TENM3: variants seen among roughly 807,000 people sequenced by gnomAD.
TENM3 encodes the protein teneurin-3.
TENM3 carries 63 observed loss-of-function variants against 255.1 expected under a neutral mutation model. The ratio of observed to expected loss-of-function variants is 0.25; its 90% CI spans 0.20 to 0.30. The LOEUF (loss-of-function observed/expected upper bound fraction) is 0.30, where lower values mean the gene tolerates loss of function less well. Ranked by LOEUF, TENM3 falls within the 10% of genes least tolerant of loss-of-function variation. The pLI is 1.00. For synonymous variants in TENM3, 1,306 were observed against 1,322.3 expected (o/e 0.99, Z 0.27); for missense variants, 2,929 against 3,461.1 (o/e 0.85, Z 3.86).
intron 27 of TENM3, among the ~76,000 whole-genome samples, chr4:182,797,205 CGAG>C (rs1766558001): frequency 6.6e-6 from 1 of 152,032 alleles, no homozygotes; most frequent in South Asian, 2.1e-4. Flanking sequence ...TTTGGGAGGC[CGAG>C]GAGGTCGGAT....
the TENM3 span, among the ~76,000 whole-genome samples, chr4:181,942,269 C>CTTTTTTTTTTT: frequency 4.7e-5 from 5 of 106,150 alleles, no homozygotes; most frequent in Non-Finnish European, 5.5e-5. Flanking sequence ...GATGTTGGGC[C>CTTTTTTTTTTT]TTTTTTTTTT....
At chr4:181,663,305 G>A in the TENM3 span, among the ~76,000 whole-genome samples, 27 of 152,248 alleles carry the variant, frequency 1.8e-4, no homozygotes, top group East Asian at 4.8e-3. Flanking sequence ...TGGAAATGGA[G>A]GTTGAATCTT....
chr4:181,940,978 C>A, the TENM3 span, among the ~76,000 whole-genome samples: 2 of 152,132 alleles, frequency 1.3e-5, no homozygotes, highest in East Asian at 3.8e-4. Flanking sequence ...GAATTGAATA[C>A]CGGGTGTGAG....
At chr4:181,766,617 A>C in the TENM3 span, among the ~76,000 whole-genome samples, 9 of 152,072 alleles carry the variant, frequency 5.9e-5, no homozygotes, top group Admixed American at 5.9e-4. Flanking sequence ...TACCACCAAA[A>C]ATGAGAGTGA....
intron 3 of TENM3, among the ~76,000 whole-genome samples, chr4:182,527,492 T>TAA (rs35017123): frequency 2.0e-5 from 3 of 148,216 alleles, no homozygotes; most frequent in Admixed American, 6.7e-5. Context: ...TCTGTTGGTT[T>TAA]AAAAAAAAAA....
chr4:181,618,392 C>T, the TENM3 span, among the ~76,000 whole-genome samples: 4 of 152,298 alleles, frequency 2.6e-5, no homozygotes, highest in African/African-American at 4.8e-5. Flanking sequence ...TCCCATTGCT[C>T]GATCACTGCT....
chr4:181,902,187 CAA>C, the TENM3 span, among the ~76,000 whole-genome samples: 621 of 144,012 alleles, frequency 4.3e-3, 5 homozygotes, highest in South Asian at 0.015. Context: ...TTAAAAGAGC[CAA>C]AAAAAAAAAA....
At chr4:182,077,323 T>C in the TENM3 span, among the ~76,000 whole-genome samples, 2 of 152,238 alleles carry the variant, frequency 1.3e-5, no homozygotes, top group Non-Finnish European at 2.9e-5. Flanking sequence ...TTGGGATTGC[T>C]AAAATGCTTT....
the TENM3 span, among the ~76,000 whole-genome samples, chr4:181,606,952 G>C: frequency 2.0e-5 from 3 of 152,156 alleles, no homozygotes; most frequent in Admixed American, 2.0e-4. Flanking sequence ...GAATAGTGGA[G>C]AGATGATCGT....
At chr4:181,695,542 C>T in the TENM3 span, among the ~76,000 whole-genome samples, 1 of 152,116 alleles carries the variant, frequency 6.6e-6, no homozygotes, top group Non-Finnish European at 1.5e-5. Context: ...TTCTTTCTTT[C>T]CACTGGCATG....
the TENM3 span, among the ~76,000 whole-genome samples, chr4:181,722,433 G>A: frequency 6.6e-6 from 1 of 152,190 alleles, no homozygotes; most frequent in Non-Finnish European, 1.5e-5. Flanking sequence ...TTAGCAGTGA[G>A]TGGGAGGGTT....
the TENM3 span, among the ~76,000 whole-genome samples, chr4:182,066,597 A>ATATATATATATATATATATATATATAT: frequency 4.1e-5 from 1 of 24,416 alleles, no homozygotes; most frequent in African/African-American, 6.6e-5. Context: ...TGGTAAAAAA[A>ATATATATATATATATATATATATATAT]AAATATATAT....
the TENM3 span, among the ~76,000 whole-genome samples, chr4:181,832,614 G>A: frequency 1.3e-5 from 2 of 152,274 alleles, no homozygotes; most frequent in African/African-American, 4.8e-5. Flanking sequence ...CTATAGATAC[G>A]CTAAGAGACT....
At chr4:181,547,228 A>T in the TENM3 span, among the ~76,000 whole-genome samples, 3 of 152,218 alleles carry the variant, frequency 2.0e-5, no homozygotes, top group Non-Finnish European at 4.4e-5. Context: ...CTTCAGAAAC[A>T]TAAAATATGA....
chr4:182,501,745 C>G (rs1312596799), intron 3 of TENM3, among the ~76,000 whole-genome samples: 1 of 152,112 alleles, frequency 6.6e-6, no homozygotes, highest in Non-Finnish European at 1.5e-5. Flanking sequence ...ATAAGCTTGT[C>G]TGCATACTTT....
chr4:182,066,599 A>T, the TENM3 span, among the ~76,000 whole-genome samples: 111 of 137,110 alleles, frequency 8.1e-4, no homozygotes, highest in Admixed American at 2.7e-3. Context: ...GTAAAAAAAA[A>T]ATATATATAT....
chr4:181,737,499 G>A, the TENM3 span, among the ~76,000 whole-genome samples: 8 of 152,198 alleles, frequency 5.3e-5, no homozygotes, highest in South Asian at 1.7e-3. Flanking sequence ...GTCGCTGGAA[G>A]ATGTCTTCAG....
the TENM3 span, among the ~76,000 whole-genome samples, chr4:181,963,547 A>G: frequency 6.6e-6 from 1 of 152,166 alleles, no homozygotes; most frequent in Non-Finnish European, 1.5e-5. Context: ...CTGATTCCCT[A>G]AGAAAATATA....
At chr4:182,241,311 A>G (rs944288959), upstream of TENM3, among the ~76,000 whole-genome samples, 1 of 152,102 alleles carries the variant, frequency 6.6e-6, no homozygotes, top group Non-Finnish European at 1.5e-5. Context: ...CTTCTGATTC[A>G]TTCAATAATG....
Sources: allele counts gnomAD v4.1 joint callset (sites outside exome capture counted in the v4.1 genomes callset), GRCh38; gene constraint gnomAD v4.1.1; transcripts MANE v1.5; gene names NCBI Gene and HGNC (gene_info 2026-07-23, HGNC 2026-07-21).